Variants in VTI1A observed in about 807,000 individuals in gnomAD.
The protein encoded by VTI1A is vesicle transport through interaction with t-SNAREs 1A.
In VTI1A, 22 loss-of-function variants were observed where a neutral mutation model predicts 34.9. That is an observed-to-expected ratio of 0.63 (90% CI 0.45 to 0.90). The LOEUF (loss-of-function observed/expected upper bound fraction) is 0.90, where lower values mean the gene tolerates loss of function less well. Among genes scored for constraint, VTI1A ranks in the 40% least tolerant of loss-of-function variants. VTI1A has a pLI of 0.00. For synonymous variants in VTI1A, 87 were observed against 97.3 expected (o/e 0.89, Z 0.62); for missense variants, 268 against 275.6 (o/e 0.97, Z 0.20).
intron 7 of VTI1A, among the ~76,000 whole-genome samples, chr10:112,712,868 C>T (rs1205247597): frequency 6.6e-5 from 10 of 152,186 alleles, no homozygotes; most frequent in Admixed American, 6.5e-4. Flanking sequence ...TGTGCTCCCC[C>T]ATTGTTGTCT....
At chr10:112,549,509 T>A (rs1851265369) in intron 5 of VTI1A, among the ~76,000 whole-genome samples, 1 of 152,236 alleles carries the variant, frequency 6.6e-6, no homozygotes, top group Admixed American at 6.5e-5. Context: ...ATTAACACTT[T>A]ATGTTATTCT....
downstream of VTI1A, among the ~76,000 whole-genome samples, chr10:112,821,426 A>G (rs1257442478): frequency 6.6e-6 from 1 of 152,158 alleles, no homozygotes; most frequent in African/African-American, 2.4e-5. Context: ...CGTTACCGCA[A>G]CTTTGCTGTT....
intron 5 of VTI1A, among the ~76,000 whole-genome samples, chr10:112,594,852 A>G (rs1844557397): frequency 6.6e-6 from 1 of 151,966 alleles, no homozygotes; most frequent in Non-Finnish European, 1.5e-5. Flanking sequence ...CGCATCGCCA[A>G]GTCAATCCTA....
At chr10:112,772,867 A>G (rs1199079009) in intron 7 of VTI1A, among the ~76,000 whole-genome samples, 2 of 152,242 alleles carry the variant, frequency 1.3e-5, no homozygotes, top group Middle Eastern at 3.2e-3. Context: ...CCCATTGGTC[A>G]GTCGGAACAA....
chr10:112,473,782 G>C (rs1315091743), intron 3 of VTI1A, among the ~76,000 whole-genome samples: 1 of 152,032 alleles, frequency 6.6e-6, no homozygotes, highest in Non-Finnish European at 1.5e-5. Flanking sequence ...AGGTAGACCA[G>C]GACTAAGTAC....
chr10:112,588,598 G>A (rs1221568210), intron 5 of VTI1A, among the ~76,000 whole-genome samples: 1 of 152,186 alleles, frequency 6.6e-6, no homozygotes, highest in Non-Finnish European at 1.5e-5. Flanking sequence ...AGAAGGACGA[G>A]GCTATGTTTC....
chr10:112,593,857 C>T (rs1844499370), intron 5 of VTI1A, among the ~76,000 whole-genome samples: 1 of 152,170 alleles, frequency 6.6e-6, no homozygotes, highest in African/African-American at 2.4e-5. Context: ...CTGCCTCAGT[C>T]TCCTGAGTAG....
intron 7 of VTI1A, among the ~76,000 whole-genome samples, chr10:112,703,507 G>A (rs576825867): frequency 1.3e-4 from 20 of 151,952 alleles, no homozygotes; most frequent in African/African-American, 2.4e-4. Context: ...TGAAGGTTGC[G>A]GTGAGCCGAG....
At chr10:112,834,068 G>T in the VTI1A span, among the ~76,000 whole-genome samples, 1 of 152,168 alleles carries the variant, frequency 6.6e-6, no homozygotes, top group Non-Finnish European at 1.5e-5. Context: ...TTCCCTGCAA[G>T]TTGGTCATGA....
At chr10:112,683,101 C>T (rs1267997730) in intron 7 of VTI1A, among the ~76,000 whole-genome samples, 2 of 152,200 alleles carry the variant, frequency 1.3e-5, no homozygotes, top group Non-Finnish European at 2.9e-5. Context: ...ATTCTTGAAG[C>T]AAAGCATGCT....
intron 4 of VTI1A, among the ~76,000 whole-genome samples, chr10:112,537,005 T>C (rs1850651551): frequency 6.6e-6 from 1 of 152,008 alleles, no homozygotes; most frequent in Admixed American, 6.6e-5. Context: ...TCAATACAGC[T>C]TGCATCTCCA....
intron 5 of VTI1A, among the ~76,000 whole-genome samples, chr10:112,541,211 A>G (rs1850856224): frequency 6.6e-6 from 1 of 152,110 alleles, no homozygotes; most frequent in Admixed American, 6.5e-5. Flanking sequence ...TTACTTGACC[A>G]CAAAATTAGG....
At chr10:112,566,382 TCTTAA>T (rs1328323492) in intron 5 of VTI1A, among the ~76,000 whole-genome samples, 2 of 152,230 alleles carry the variant, frequency 1.3e-5, no homozygotes, top group Non-Finnish European at 2.9e-5. Context: ...CATAAGCACT[TCTTAA>T]CTTTTATACG....
chr10:112,554,000 G>T (rs899898186), intron 5 of VTI1A, among the ~76,000 whole-genome samples: 3 of 152,118 alleles, frequency 2.0e-5, no homozygotes, highest in Admixed American at 1.3e-4. Context: ...TGACTTACAG[G>T]CCAGGTCAGT....
chr10:112,594,204 G>C lies in VTI1A; in HGVS notation c.427+55874G>C, dbSNP rs1270968075. Among the ~76,000 whole-genome samples the C allele has an allele frequency of 2.0e-5, 3 of 152,102 alleles. No homozygotes were observed. In the East Asian group the frequency reaches 5.8e-4, roughly 29 times the overall value. ...TTACAGGCGTGAGCCACTGCGCCCG[G>C]CCGGTCTCCATCTTTTAAACTTGGT... On this transcript the variant is annotated intron_variant, in intron 5 of 7. Transcript: ENST00000393077.
In VTI1A at chr10:112,741,754, G is replaced by GA. The variant is rs568566907; in HGVS notation, c.560+72762dup. ...ATATCTGAACTTTTTTACCAGCGTA[G>GA]AAAAAAGGGGGAAATGCTTTTCAAT... On this transcript the variant is annotated intron_variant, in intron 7 of 7. Transcript: ENST00000393077. 9.9e-5 allele frequency among the ~76,000 whole-genome samples: 15 copies of GA among 152,072 alleles called. No individual in the cohort carries two copies. In the South Asian group the frequency reaches 2.1e-3, roughly 21 times the overall value.
chr10:112,525,548 C>T (rs1850193602), intron 3 of VTI1A, among the ~76,000 whole-genome samples: 1 of 152,152 alleles, frequency 6.6e-6, no homozygotes, highest in South Asian at 2.1e-4. Flanking sequence ...TACTTTTTTC[C>T]CTAAAAAGCA....
chr10:112,589,267 ATCATGGGGTCAGTTTCCC>A (rs1446733708), intron 5 of VTI1A, among the ~76,000 whole-genome samples: 1 of 152,130 alleles, frequency 6.6e-6, no homozygotes, highest in Non-Finnish European at 1.5e-5. Flanking sequence ...AGATAATTGA[ATCATGGGGTCAGTTTCCC>A]TCATACTGTT....
At chr10:112,621,603 T>G (rs1392184905) in intron 5 of VTI1A, among the ~76,000 whole-genome samples, 5 of 152,196 alleles carry the variant, frequency 3.3e-5, no homozygotes, top group Non-Finnish European at 7.3e-5. Context: ...TGGGAACCAT[T>G]CCACCACACT....
Sources: gnomAD v4.1 joint callset for allele counts (sites outside exome capture counted in the v4.1 genomes callset) on GRCh38, gnomAD v4.1.1 for gene constraint, MANE v1.5 for transcripts, NCBI Gene and HGNC (gene_info 2026-07-23, HGNC 2026-07-21) for gene names.